The following ACAA2 variants were observed in gnomAD, a reference collection of about 807,000 sequenced individuals.
ACAA2 encodes 3-ketoacyl-CoA thiolase, mitochondrial.
A neutral mutation model predicts 44.8 loss-of-function variants in ACAA2; 35 were observed. The observed-to-expected ratio is 0.78, with a 90% CI of 0.60 to 1.04. The LOEUF (loss-of-function observed/expected upper bound fraction) is 1.04, where lower values mean the gene tolerates loss of function less well. Among genes scored for constraint, ACAA2 ranks in the 50% least tolerant of loss-of-function variants. The pLI, the probability that ACAA2 is intolerant of heterozygous loss-of-function variation, is 0.00. For missense variants in ACAA2, 468 were observed against 482.6 expected (o/e 0.97, Z 0.28); for synonymous variants, 142 against 166.5 (o/e 0.85, Z 1.13).
intron 3 of ACAA2, among the ~76,000 whole-genome samples, chr18:49,796,748 G>A (rs1568587603): frequency 6.6e-6 from 1 of 151,808 alleles, no homozygotes; most frequent in Non-Finnish European, 1.5e-5. Context: ...TGCCTCACAG[G>A]TAACACTCAC....
At position 49,791,421 on chromosome 18, in the gene ACAA2, C is replaced by T. The variant is rs753129783; in HGVS notation, c.883+49G>A. On this transcript the variant is annotated intron_variant, in intron 7 of 9. Transcript: ENST00000285093. The stretch of plus-strand genomic sequence containing the variant: ...TCAGGACTCTGAATGCCAAAGAAGA[C>T]TTACCTCCAGAAATATTATAGAACC... 3.7e-5 allele frequency: 58 copies of T among 1,575,178 alleles called. No homozygotes were observed. The South Asian group carries it at 6.4e-4, about 17-fold the overall frequency.
Position 49,795,766 on chromosome 18 carries a change from T to C in ACAA2, c.428A>G (p.Lys143Arg). ...RFGTKLGSDIKLEDSLWVSLT... is the reference protein window; with the variant it reads ...RFGTKLGSDIRLEDSLWVSLT... ...CTTTTAAATTTTTATGGTTCCAACC[T>C]TGATATCTGATCCAAGCTTGGTTCC... The change falls in exon 4 of 10, where the codon AAG becomes AGG. Residue 143 changes from lysine (K) to arginine (R), a missense_variant and splice_region_variant. Lys to Arg is a conservative substitution (Grantham distance 26). Transcript: ENST00000285093. 2 of 1,590,590 alleles carry C rather than the reference T, an allele frequency of 1.3e-6. No homozygotes were observed. The highest frequency in any genetic ancestry group is 1.3e-5 in the African/African-American group (1 of 74,204).
chr18:49,800,860 C>G lies in ACAA2; in HGVS notation c.183+1827G>C, dbSNP rs952374028. Among the ~76,000 whole-genome samples the G allele has an allele frequency of 3.4e-5, 5 of 149,174 alleles. No homozygotes were observed. In the East Asian group the frequency reaches 9.9e-4, roughly 30 times the overall value. ...ACTATTGTCCTGTGGGCCAAATCCC[C>G]CTCTGCGAGAAACACCCAAGAATGA... On this transcript the variant is annotated intron_variant, in intron 2 of 9. Coordinates refer to ENST00000285093, the MANE Select transcript of ACAA2 (RefSeq NM_006111.3).
intron 7 of ACAA2, among the ~76,000 whole-genome samples, chr18:49,791,048 G>A (rs902371248): frequency 6.6e-5 from 10 of 152,178 alleles, no homozygotes; most frequent in African/African-American, 2.4e-4. Context: ...CTGAATGTGT[G>A]TAAAACAACC....
chr18:49,801,760 CATAAGAT>C (rs1290468378), intron 2 of ACAA2, among the ~76,000 whole-genome samples: 1 of 135,434 alleles, frequency 7.4e-6, no homozygotes, highest in Non-Finnish European at 1.6e-5. Flanking sequence ...ATATATGATA[CATAAGAT>C]ATATCACAGA....
intron 1 of ACAA2, among the ~76,000 whole-genome samples, chr18:49,804,473 G>A (rs2023591222): frequency 1.3e-5 from 2 of 152,154 alleles, no homozygotes; most frequent in Non-Finnish European, 2.9e-5. Context: ...AGTATCTGAA[G>A]TCAGCTAACC....
At chr18:49,787,269 A>AAAAC (rs761585576) in intron 8 of ACAA2, 22 bp downstream of exon 8, 19 of 1,432,654 alleles carry the variant, frequency 1.3e-5, no homozygotes, top group Admixed American at 3.4e-5. Context: ...TTAAAAAAAA[A>AAAAC]AAAAAAAAAA....
intron 1 of ACAA2, among the ~76,000 whole-genome samples, chr18:49,804,453 C>G (rs1004175604): frequency 6.6e-6 from 1 of 152,102 alleles, no homozygotes; most frequent in Non-Finnish European, 1.5e-5. Context: ...CATGTGTATC[C>G]CCCACCTCCA....
chr18:49,798,958 G>C (rs1043763443), intron 2 of ACAA2, among the ~76,000 whole-genome samples: 4 of 151,914 alleles, frequency 2.6e-5, no homozygotes, highest in Non-Finnish European at 4.4e-5. Context: ...AATATGCTTC[G>C]AATAACATTT....
Position 49,792,164 on chromosome 18 carries a change from T to C in ACAA2, c.741A>G (p.Ala247=). The C allele has an allele frequency of 6.2e-7, 1 of 1,613,746 alleles. No individual in the cohort carries two copies. Among genetic ancestry groups the C allele is most frequent in the Non-Finnish European group, 8.5e-7 (1 of 1,179,718 alleles). ...TGGTGATACCAACCGATGCATTCCC[T>C]GCAGTAACAGTTCCATCTTTCTTGA... ...PVFKKDGTVT[A]GNASGVADGA... The change falls in exon 6 of 10, where the codon GCA becomes GCG. Residue 247 remains alanine, a synonymous_variant. Transcript: ENST00000285093.
intron 3 of ACAA2, 105 bp from the exon 4 acceptor site, chr18:49,795,986 T>C (rs2023460619): frequency 2.9e-6 from 2 of 700,126 alleles, no homozygotes; most frequent in Admixed American, 2.6e-5. Context: ...ACAAATATTG[T>C]ACTGTAGCTT....
chr18:49,785,116 T>TG (rs2023312877), intron 9 of ACAA2, 81 bp downstream of exon 9: 3 of 1,495,572 alleles, frequency 2.0e-6, no homozygotes, highest in Non-Finnish European at 1.8e-6. Flanking sequence ...TGAAAAATGT[T>TG]GGAGTGTTCT....
At chr18:49,789,228 T>C (rs1477143761) in intron 7 of ACAA2, among the ~76,000 whole-genome samples, 5 of 152,212 alleles carry the variant, frequency 3.3e-5, no homozygotes, top group Non-Finnish European at 5.9e-5. Flanking sequence ...TAAGGATTGC[T>C]AGTCATTAGG....
intron 1 of ACAA2, among the ~76,000 whole-genome samples, chr18:49,813,254 A>T (rs2023692274): frequency 6.6e-6 from 1 of 152,248 alleles, no homozygotes; most frequent in Admixed American, 6.5e-5. Flanking sequence ...AATTGCACCG[A>T]AATCGCTGTC....
At chr18:49,799,306 A>C (rs868792286) in intron 2 of ACAA2, among the ~76,000 whole-genome samples, 197 of 149,234 alleles carry the variant, frequency 1.3e-3, no homozygotes, top group African/African-American at 4.7e-3. Context: ...GCTCACTGCA[A>C]CCTCCCTGCC....
At position 49,787,279 on chromosome 18, in the gene ACAA2, A is replaced by C. The variant is rs1394693978; in HGVS notation, c.954+12T>G. On this transcript the variant is annotated intron_variant, in intron 8 of 9. Coordinates refer to ENST00000285093, the MANE Select transcript of ACAA2 (RefSeq NM_006111.3). ...TGTTGTTAAAAAAAAAAAAAAAAAA[A>C]AAAACACTTACCTCTACCAAATCCA... is the stretch of plus-strand genomic sequence containing the variant. 7 of 1,466,000 alleles carry C rather than the reference A, an allele frequency of 4.8e-6. No individual in the cohort carries two copies. Among genetic ancestry groups the C allele is most frequent in the Middle Eastern group, 5.0e-4 (2 of 4,034 alleles). 90.8% of individuals were successfully genotyped at this position (1,466,000 alleles called of 1,614,324 possible). A position where few individuals can be genotyped will look rare whatever the true frequency, so the allele number is the denominator to read the frequency against.
intron 1 of ACAA2, among the ~76,000 whole-genome samples, chr18:49,807,641 G>A (rs2023623378): frequency 6.6e-6 from 1 of 152,152 alleles, no homozygotes; most frequent in African/African-American, 2.4e-5. Context: ...AGACCAGCCT[G>A]GGAGACATGA....
At chr18:49,806,303 G>A (rs2023609916) in intron 1 of ACAA2, among the ~76,000 whole-genome samples, 4 of 152,138 alleles carry the variant, frequency 2.6e-5, no homozygotes, top group Admixed American at 1.3e-4. Context: ...ACCATAGAGC[G>A]AGATTCCAAA....
In ACAA2 at chr18:49,785,103, G is replaced by A. The variant is rs959059219; in HGVS notation, c.1109+94C>T. Reference sequence around the variant, plus strand: ...CAGCCAGTGCAGGAGACATGAAGAAGAATGAAAAATGTTGGAGTGTTCTGG... The same window carrying A: ...CAGCCAGTGCAGGAGACATGAAGAAAAATGAAAAATGTTGGAGTGTTCTGG... On this transcript the variant is annotated intron_variant, in intron 9 of 9. Transcript: ENST00000285093. The A allele has an allele frequency of 6.9e-6, 10 of 1,440,666 alleles. No homozygotes were observed. The African/African-American group carries it at 1.0e-4, about 14-fold the overall frequency. The allele number at this position is 1,440,666 out of a possible 1,614,324, so 89.2% of individuals were successfully genotyped here.
Sources: allele counts gnomAD v4.1 joint callset (sites outside exome capture counted in the v4.1 genomes callset), GRCh38; gene constraint gnomAD v4.1.1; transcripts MANE v1.5; gene names NCBI Gene and HGNC (gene_info 2026-07-23, HGNC 2026-07-21).